Variants in UCP2 observed in about 807,000 individuals in gnomAD.
UCP2 encodes dicarboxylate carrier SLC25A8.
Under a neutral mutation model 31.3 loss-of-function variants are expected in UCP2, and 27 were observed. The ratio of observed to expected loss-of-function variants is 0.86; its 90% confidence interval spans 0.64 to 1.19. UCP2 has a LOEUF of 1.19. Ranked by LOEUF, UCP2 falls within the 50% of genes most tolerant of loss-of-function variation. UCP2 has a pLI of 0.00. For synonymous variants in UCP2, 142 were observed against 157.4 expected, an observed-to-expected ratio of 0.90 and a Z score of 0.73; for missense variants, 377 against 413.5, an observed-to-expected ratio of 0.91 and a Z score of 0.76.
chr11:73,980,454 G>C (rs528085576), intron 2 of UCP2, among the ~76,000 whole-genome samples: 1 of 152,156 alleles, frequency 6.6e-6, no homozygotes, highest in East Asian at 1.9e-4. Flanking sequence ...GCTTGCCCAC[G>C]AGGCTCAGTG....
At position 73,974,979 on chromosome 11, in the gene UCP2, A is replaced by T. The variant is rs1243264901; in HGVS notation, c.*28T>A. ...ATGGCCCGGCTAGAGACAAAGCCAG[A>T]GGTGATCAGGTCAGCAGCAGGAGAG... On this transcript the variant is annotated 3_prime_UTR_variant, in exon 8 of 8. Transcript: ENST00000663595. 18 of 1,583,850 alleles carry T rather than the reference A, an allele frequency of 1.1e-5. No homozygotes were observed. Among genetic ancestry groups the T allele is most frequent in the East Asian group, 2.3e-5 (1 of 44,224 alleles).
chr11:73,977,213 G>T, intron 4 of UCP2, 196 bp from the exon 5 acceptor site: 1 of 600,196 alleles, frequency 1.7e-6, no homozygotes, highest in Non-Finnish European at 2.9e-6. Flanking sequence ...TCTACTTCTT[G>T]CTAGGGACAT....
chr11:73,982,879 CG>C (rs1274402513), upstream of UCP2: 1 of 139,088 alleles, frequency 7.2e-6, no homozygotes, highest in African/African-American at 2.6e-5. Flanking sequence ...GCTTAAGCCT[CG>C]GGGGCGGGGC....
rs1951455183 is a variant in UCP2 at position 73,981,532 on chromosome 11, C to T, written c.-156G>A. On this transcript the variant is annotated 5_prime_UTR_variant, in exon 2 of 8. Transcript: ENST00000663595. ...CAAGATCAAGCTTCTCTAAAGGTGTCCCGTTCTTCAAAGCTGCCAGTGGCT... is the reference window on the plus strand; with the variant it reads ...CAAGATCAAGCTTCTCTAAAGGTGTTCCGTTCTTCAAAGCTGCCAGTGGCT... The T allele has an allele frequency of 2.0e-5, 3 of 152,220 alleles. No individual in the cohort carries two copies. The South Asian group carries it at 6.2e-4, about 32-fold the overall frequency. The allele number at this position is 152,220 out of a possible 1,614,324, so 9.4% of individuals were successfully genotyped here. A position where few individuals can be genotyped will look rare whatever the true frequency, so the allele number is the denominator to read the frequency against.
At chr11:73,979,345 G>C (rs1006208455) in intron 2 of UCP2, among the ~76,000 whole-genome samples, 1 of 152,140 alleles carries the variant, frequency 6.6e-6, no homozygotes, top group Non-Finnish European at 1.5e-5. Flanking sequence ...TCAGGAGTTT[G>C]AGACCAGCTT....
chr11:73,975,742 A>ACCCAGGAG, intron 6 of UCP2, 71 bp from the exon 7 acceptor site: 1 of 1,561,040 alleles, frequency 6.4e-7, no homozygotes, highest in Non-Finnish European at 8.8e-7. Flanking sequence ...GAATTACTTA[A>ACCCAGGAG]GTAGCTACGA....
intron 2 of UCP2, chr11:73,978,786 A>T: frequency 3.2e-6 from 1 of 315,506 alleles, no homozygotes. Flanking sequence ...GTATGCAGAG[A>T]TTTCACTGAT....
intron 4 of UCP2, 175 bp from the exon 5 acceptor site, chr11:73,977,192 C>T (rs2135366091): frequency 1.6e-6 from 1 of 630,110 alleles, no homozygotes; most frequent in African/African-American, 1.8e-5. Flanking sequence ...AACAAAATAT[C>T]CCTATGAATA....
Position 73,977,980 on chromosome 11 carries a change from C to A in UCP2, c.243G>T (p.Gly81=), listed in dbSNP as rs1461940184. 2 of 1,614,234 alleles carry A rather than the reference C, an allele frequency of 1.2e-6. No homozygotes were observed. The highest frequency in any genetic ancestry group is 1.3e-5 in the African/African-American group (1 of 75,068). Residue 81 remains glycine, a synonymous_variant, in exon 4 of 8, where the codon GGG becomes GGT. Coordinates refer to ENST00000663595, the MANE Select transcript of UCP2 (RefSeq NM_003355.3). ...TTTGGCGCTGCAGGCCGGCAACCAG[C>A]CCATTGTAGAGGCTTCGGGGGCCCT... is the stretch of plus-strand genomic sequence containing the variant. The part of the protein sequence containing the change: ...RTEGPRSLYN[G]LVAGLQRQMS...
chr11:73,982,815 C>A lies in UCP2; in HGVS notation c.-351G>T, dbSNP rs553919714. On this transcript the variant is annotated 5_prime_UTR_variant, in exon 1 of 8. Transcript: ENST00000663595. ...GCCGGGCGAGCGTGGACAGTCAATCCCAAGGCGCGCGCAGCTGGGCTTCGC... is the reference window on the plus strand; with the variant it reads ...GCCGGGCGAGCGTGGACAGTCAATCACAAGGCGCGCGCAGCTGGGCTTCGC... 6.6e-6 allele frequency: 1 copy of A among 151,216 alleles called. No homozygotes were observed. The highest frequency in any genetic ancestry group is 6.6e-5 in the Admixed American group (1 of 15,150). 9.4% of individuals were successfully genotyped at this position (151,216 alleles called of 1,614,324 possible). A position where few individuals can be genotyped will look rare whatever the true frequency, so the allele number is the denominator to read the frequency against.
intron 6 of UCP2, among the ~76,000 whole-genome samples, chr11:73,976,409 T>C (rs1951345982): frequency 6.6e-6 from 1 of 152,060 alleles, no homozygotes; most frequent in Non-Finnish European, 1.5e-5. Context: ...AGCTGAGACA[T>C]CTTCTGAGGA....
chr11:73,975,502 G>C lies in UCP2; in HGVS notation c.804C>G (p.Ala268=). The C allele has an allele frequency of 5.0e-6, 8 of 1,610,106 alleles. No individual in the cohort carries two copies. The highest frequency in any genetic ancestry group is 6.8e-6 in the Non-Finnish European group (8 of 1,177,564). ...LTMLQKEGPR[A]FYKGFMPSFL... is the part of the protein sequence containing the mutation. The stretch of plus-strand genomic sequence containing the variant: ...GACCAGAGGCTCACCCTTTGTAGAA[G>C]GCTCGGGGCCCCTCCTTCTGGAGCA... The change falls in exon 7 of 8, where the codon GCC becomes GCG. Residue 268 remains alanine, a synonymous_variant. Coordinates refer to ENST00000663595, the MANE Select transcript of UCP2 (RefSeq NM_003355.3).
chr11:73,974,840 G>A lies in UCP2; in HGVS notation c.*167C>T, dbSNP rs1951309003. 3 of 701,852 alleles carry A rather than the reference G, an allele frequency of 4.3e-6. No individual in the cohort carries two copies. The highest frequency in any genetic ancestry group is 7.7e-6 in the Non-Finnish European group (3 of 387,532). The allele number at this position is 701,852 out of a possible 1,614,324, so 43.5% of individuals were successfully genotyped here. A position where few individuals can be genotyped will look rare whatever the true frequency, so the allele number is the denominator to read the frequency against. Reference sequence around the variant, plus strand: ...TCCACCAGCACTGAGACAATGAGTAGATGAGAATGTAGAAAGAGGGAAGGT... The same window carrying A: ...TCCACCAGCACTGAGACAATGAGTAAATGAGAATGTAGAAAGAGGGAAGGT... On this transcript the variant is annotated 3_prime_UTR_variant, in exon 8 of 8. Coordinates refer to ENST00000663595, the MANE Select transcript of UCP2 (RefSeq NM_003355.3).
chr11:73,976,085 T>C lies in UCP2; in HGVS notation c.635-414A>G, dbSNP rs45486892. ...CTGTCTCAAAAAACAAACAAGAGGA[T>C]GGGGCGCAGAGGCTCACACCTGTAA... On this transcript the variant is annotated intron_variant, in intron 6 of 7. Transcript: ENST00000663595. 7.3e-3 allele frequency among the ~76,000 whole-genome samples: 1,101 copies of C among 150,726 alleles called. 14 individuals carry two copies. The highest frequency in any genetic ancestry group is 0.026 in the African/African-American group (1,046 of 40,932).
Position 73,976,624 on chromosome 11 carries a change from T to C in UCP2, c.634+17A>G. ...GGGGGAAGGGTGAGACCCAGCACCG[T>C]CTACCTCATGACTCACCTGTCATGA... On this transcript the variant is annotated intron_variant, in intron 6 of 7. Transcript: ENST00000663595. 1.2e-6 allele frequency: 2 copies of C among 1,604,948 alleles called. No homozygotes were observed. The highest frequency in any genetic ancestry group is 1.7e-6 in the Non-Finnish European group (2 of 1,171,844).
rs1951359485 is a variant in UCP2, at chr11:73,976,958, C to T, written c.397G>A (p.Val133Met). 1.2e-6 allele frequency: 2 copies of T among 1,608,912 alleles called. No individual in the cohort carries two copies. Among genetic ancestry groups the T allele is most frequent in the Non-Finnish European group, 1.7e-6 (2 of 1,176,250 alleles). ...GSTTGALAVA[V>M]AQPTDVVKVR... ...TTTACCACATCCGTGGGCTGGGCCA[C>T]AGCCACAGCCAGGGCACCTGTGGTG... Residue 133 changes from valine to methionine, a missense_variant, in exon 5 of 8, where the codon GTG becomes ATG. Transcript: ENST00000663595.
At position 73,974,823 on chromosome 11, in the gene UCP2, C is replaced by G; in HGVS notation, c.*184G>C. On this transcript the variant is annotated 3_prime_UTR_variant, in exon 8 of 8. Coordinates refer to ENST00000663595, the MANE Select transcript of UCP2 (RefSeq NM_003355.3). ...CACTGTCAAATGTCAACTCCACCAG[C>G]ACTGAGACAATGAGTAGATGAGAAT... The G allele has an allele frequency of 2.6e-6, 1 of 381,508 alleles. No homozygotes were observed. Among genetic ancestry groups the G allele is most frequent in the South Asian group, 2.4e-5 (1 of 42,450 alleles). 23.6% of individuals were successfully genotyped at this position (381,508 alleles called of 1,614,324 possible).
At chr11:73,975,222 G>T in intron 7 of UCP2, 101 bp from the exon 8 acceptor site, 4 of 1,162,284 alleles carry the variant, frequency 3.4e-6, no homozygotes, top group Non-Finnish European at 5.1e-6. Context: ...CCCAAAGGAG[G>T]CTGGGAGGAC....
intron 6 of UCP2, among the ~76,000 whole-genome samples, chr11:73,976,383 AACAG>A (rs1345240104): frequency 6.6e-6 from 1 of 152,052 alleles, no homozygotes; most frequent in Non-Finnish European, 1.5e-5. Flanking sequence ...AAAAAACAAA[AACAG>A]ACAGGGACTC....
Sources: allele counts gnomAD v4.1 joint callset (sites outside exome capture counted in the v4.1 genomes callset), GRCh38; gene constraint gnomAD v4.1.1; transcripts MANE v1.5; gene names NCBI Gene and HGNC (gene_info 2026-07-23, HGNC 2026-07-21).